TPSD1: variants seen among roughly 807,000 people sequenced by gnomAD.
TPSD1 encodes tryptase delta 1, also known as tryptase delta.
In TPSD1, 30 loss-of-function variants were observed where a neutral mutation model predicts 25.4. That is an observed-to-expected ratio of 1.18 (90% CI 0.88 to 1.60). The LOEUF (loss-of-function observed/expected upper bound fraction) is 1.60, where lower values mean the gene tolerates loss of function less well. Ranked by LOEUF, TPSD1 falls within the 40% of genes most tolerant of loss-of-function variation. The probability of loss-of-function intolerance (pLI) is 0.00; values close to 1 mark genes in which losing one functional copy is unlikely to be tolerated. For missense variants in TPSD1, 420 were observed against 324.2 expected (o/e 1.30, Z -2.27); for synonymous variants, 176 against 149.4 (o/e 1.18, Z -1.30).
chr16:1,257,890 C>T lies in TPSD1; in HGVS notation c.521-169C>T, dbSNP rs2031008922. On this transcript the variant is annotated intron_variant, in intron 3 of 4. Coordinates refer to ENST00000211076, the MANE Select transcript of TPSD1 (RefSeq NM_012217.3). ...ATGAGGCCAGGGACCCAGGACCAGC[C>T]TCAGCGGAGGGGCCTGGACTGCATT... 7 of 726,180 alleles carry T rather than the reference C, an allele frequency of 9.6e-6. No individual in the cohort carries two copies. The Admixed American group carries it at 2.0e-4, about 21-fold the overall frequency. 45.0% of individuals were successfully genotyped at this position (726,180 alleles called of 1,614,324 possible).
In TPSD1 at chr16:1,258,424, C is replaced by G; in HGVS notation, c.*48C>G. ...GGGAGGAGAGCTGTGCCCAGCCCAA[C>G]CGGCCTGGCATCTACACCCGTGTCA... is the stretch of plus-strand genomic sequence containing the variant. On this transcript the variant is annotated 3_prime_UTR_variant, in exon 5 of 5. Coordinates refer to ENST00000211076, the MANE Select transcript of TPSD1 (RefSeq NM_012217.3). 6.2e-7 allele frequency: 1 copy of G among 1,613,544 alleles called. No individual in the cohort carries two copies. Among genetic ancestry groups the G allele is most frequent in the South Asian group, 1.1e-5 (1 of 91,064 alleles).
chr16:1,258,007 A>T, intron 3 of TPSD1, 52 bp from the exon 4 acceptor site: 1 of 1,537,652 alleles, frequency 6.5e-7, no homozygotes, highest in African/African-American at 1.4e-5. Flanking sequence ...AAGTCCACGA[A>T]GCAGCACCCA....
In TPSD1 at chr16:1,256,348, C is replaced by A. The variant is rs917074368; in HGVS notation, c.68C>A (p.Ala23Asp). ...LLALPVLASP[A>D]YVAPAPGQAL... ...GCGCTGCCCGTCCTGGCGAGCCCGG[C>A]CTACGTGGCCCCTGGTGAGTCCCAG... Residue 23 changes from alanine to aspartate, a missense_variant, in exon 1 of 5, where the codon GCC becomes GAC. Coordinates refer to ENST00000211076, the MANE Select transcript of TPSD1 (RefSeq NM_012217.3). 1 of 1,613,066 alleles carries A rather than the reference C, an allele frequency of 6.2e-7. No individual in the cohort carries two copies. Among genetic ancestry groups the A allele is most frequent in the African/African-American group, 1.3e-5 (1 of 74,934 alleles).
intron 3 of TPSD1, among the ~76,000 whole-genome samples, chr16:1,257,605 G>A (rs1342749286): frequency 6.6e-6 from 1 of 152,200 alleles, no homozygotes; most frequent in Non-Finnish European, 1.5e-5. Flanking sequence ...AGCCTGAGCG[G>A]CAACCCTGGG....
intron 3 of TPSD1, 54 bp downstream of exon 3, chr16:1,257,116 A>C (rs2030992867): frequency 1.3e-5 from 20 of 1,533,264 alleles, no homozygotes; most frequent in Non-Finnish European, 1.7e-5. Flanking sequence ...AGTCACAGCC[A>C]CAGGCCAGTC....
In TPSD1 at chr16:1,256,552, G is replaced by A. The variant is rs201163591; in HGVS notation, c.119G>A (p.Gly40Glu). Reference sequence around the variant, plus strand: ...GCCCTGCAGCAAACGGGCATTGTTGGGGGGCAGGAGGCCCCCAGGAGCAAG... The same window carrying A: ...GCCCTGCAGCAAACGGGCATTGTTGAGGGGCAGGAGGCCCCCAGGAGCAAG... ...GQALQQTGIV[G>E]GQEAPRSKWP... Residue 40 changes from glycine to glutamate, a missense_variant, in exon 2 of 5, where the codon GGG (glycine) becomes GAG (glutamate). Physicochemically the swap from Gly to Glu is moderately conservative, Grantham distance 98. Transcript: ENST00000211076. 17 of 1,599,182 alleles carry A rather than the reference G, an allele frequency of 1.1e-5. No individual in the cohort carries two copies. Among genetic ancestry groups the A allele is most frequent in the African/African-American group, 1.5e-5 (1 of 68,656 alleles).
chr16:1,256,314 C>T lies in TPSD1; in HGVS notation c.34C>T (p.Leu12=), dbSNP rs1272903616. ...LLLAPQMLSL[L]LLALPVLASP... ...CCTTGCTCCCCAGATGCTGAGCCTG[C>T]TGCTGCTGGCGCTGCCCGTCCTGGC... The change falls in exon 1 of 5, where the codon CTG becomes TTG. Residue 12 remains leucine (L), a synonymous_variant. Coordinates refer to ENST00000211076, the MANE Select transcript of TPSD1 (RefSeq NM_012217.3). The T allele has an allele frequency of 3.1e-6, 5 of 1,613,638 alleles. No homozygotes were observed. In the South Asian group the frequency reaches 3.3e-5, roughly 11 times the overall value.
In TPSD1 at chr16:1,256,277, C is replaced by T. The variant is rs1161448482; in HGVS notation, c.-4C>T. The T allele has an allele frequency of 8.1e-6, 13 of 1,613,388 alleles. No homozygotes were observed. Among genetic ancestry groups the T allele is most frequent in the African/African-American group, 1.3e-5 (1 of 74,924 alleles). ...CTGCCCTGTGAGGCCCGGCCAGGCC[C>T]ACGATGCTCCTCCTTGCTCCCCAGA... On this transcript the variant is annotated 5_prime_UTR_variant, in exon 1 of 5. Transcript: ENST00000211076.
rs369883943 is a variant in TPSD1 at position 1,256,688 on chromosome 16, G to T, written c.254+1G>T. 6.2e-7 allele frequency: 1 copy of T among 1,611,254 alleles called. No homozygotes were observed. Among genetic ancestry groups the T allele is most frequent in the Non-Finnish European group, 8.5e-7 (1 of 1,178,780 alleles). The stretch of plus-strand genomic sequence containing the variant: ...TAACCGCGGCGCACTGCGTGGAACC[G>T]TGAGTCTCCTGGGGCCTGGAGGGGT... On this transcript the variant is annotated splice_donor_variant, in intron 2 of 4. Transcript: ENST00000211076. LOFTEE classifies it high-confidence loss of function.
At position 1,256,930 on chromosome 16, in the gene TPSD1, G is replaced by T. The variant is rs1278783845; in HGVS notation, c.388G>T (p.Ala130Ser). The T allele has an allele frequency of 6.2e-7, 1 of 1,613,794 alleles. No individual in the cohort carries two copies. The highest frequency in any genetic ancestry group is 8.5e-7 in the Non-Finnish European group (1 of 1,180,028). The change falls in exon 3 of 5, where the codon GCC becomes TCC. Residue 130 changes from alanine to serine, a missense_variant. Coordinates refer to ENST00000211076, the MANE Select transcript of TPSD1 (RefSeq NM_012217.3). Reference protein sequence around the residue: ...FYIIQTGADIALLELEEPVNI... With the variant: ...FYIIQTGADISLLELEEPVNI... ...CATCATCCAGACCGGGGCGGACATC[G>T]CCCTGCTGGAGCTGGAGGAGCCCGT...
chr16:1,258,458 T>G lies in TPSD1; in HGVS notation c.*82T>G, dbSNP rs566036064. 6.2e-7 allele frequency: 1 copy of G among 1,613,632 alleles called. No individual in the cohort carries two copies. Among genetic ancestry groups the G allele is most frequent in the South Asian group, 1.1e-5 (1 of 91,084 alleles). On this transcript the variant is annotated 3_prime_UTR_variant, in exon 5 of 5. Transcript: ENST00000211076. ...CATCTACACCCGTGTCACCTACTACTTGGACTGGATCCACCACTATGTCCC... is the reference window on the plus strand; with the variant it reads ...CATCTACACCCGTGTCACCTACTACGTGGACTGGATCCACCACTATGTCCC...
At chr16:1,257,108 T>A in intron 3 of TPSD1, 46 bp downstream of exon 3, 1 of 1,545,268 alleles carries the variant, frequency 6.5e-7, no homozygotes, top group Non-Finnish European at 8.7e-7. Flanking sequence ...GGGCACCAAG[T>A]CACAGCCACA....
Position 1,258,065 on chromosome 16 carries a change from T to A in TPSD1, c.527T>A (p.Leu176Gln), listed in dbSNP as rs760282531. 1.3e-6 allele frequency: 2 copies of A among 1,576,960 alleles called. No individual in the cohort carries two copies. The highest frequency in any genetic ancestry group is 2.7e-5 in the African/African-American group (2 of 74,074). ...CGCCCCCCTCCGCCCCCAGTGCACC[T>A]GCCGCCGCCATACCCGCTGAAGGAG... is the stretch of plus-strand genomic sequence containing the variant. ...GWGDVDNNVH[L>Q]PPPYPLKEVE... The change falls in exon 4 of 5, where the codon CTG becomes CAG. Residue 176 changes from leucine to glutamine, a missense_variant. Transcript: ENST00000211076.
At position 1,258,596 on chromosome 16, in the gene TPSD1, C is replaced by T. The variant is rs1177903826; in HGVS notation, c.*220C>T. The T allele has an allele frequency of 2.2e-6, 3 of 1,391,456 alleles. No individual in the cohort carries two copies. Among genetic ancestry groups the T allele is most frequent in the Non-Finnish European group, 2.9e-6 (3 of 1,018,432 alleles). 86.2% of individuals were successfully genotyped at this position (1,391,456 alleles called of 1,614,324 possible). On this transcript the variant is annotated 3_prime_UTR_variant, in exon 5 of 5. Coordinates refer to ENST00000211076, the MANE Select transcript of TPSD1 (RefSeq NM_012217.3). ...AGGTGGTGACTGCCCCCCACACCTT[C>T]CCCCATCCTGAGTCCCCTCTCCCAT... is the stretch of plus-strand genomic sequence containing the variant.
intron 1 of TPSD1, 46 bp downstream of exon 1, chr16:1,256,408 G>A (rs905568371): frequency 2.5e-6 from 4 of 1,611,588 alleles, no homozygotes; most frequent in Non-Finnish European, 3.4e-6. Context: ...ACATTCCACA[G>A]ATCAGGGCCT....
At chr16:1,257,955 T>A in intron 3 of TPSD1, 104 bp from the exon 4 acceptor site, 1 of 1,270,996 alleles carries the variant, frequency 7.9e-7, no homozygotes, top group South Asian at 1.4e-5. Context: ...AGAACAGCAC[T>A]GGGCCCATGG....
rs2031024957 is a variant in TPSD1, at chr16:1,258,364, G to T, written c.717G>T (p.Val239=). The T allele has an allele frequency of 6.2e-7, 1 of 1,608,164 alleles. No homozygotes were observed. The highest frequency in any genetic ancestry group is 1.1e-5 in the South Asian group (1 of 91,080). The part of the protein sequence containing the change: ...GDSGGPLVCK[V]NGT ...CTGGAGGGCCCCTGGTCTGCAAGGT[G>T]AATGGCACCTAACTGCAGGCGGGCG... The change falls in exon 5 of 5, where the codon GTG becomes GTT. Residue 239 remains valine, a synonymous_variant. Transcript: ENST00000211076.
intron 3 of TPSD1, chr16:1,257,280 G>A: frequency 3.1e-6 from 2 of 640,180 alleles, no homozygotes; most frequent in South Asian, 4.1e-5. Flanking sequence ...GGTTTGGAGA[G>A]TCCCTTAGCA....
chr16:1,256,412 A>G, intron 1 of TPSD1, 50 bp downstream of exon 1: 1 of 1,611,014 alleles, frequency 6.2e-7, no homozygotes, highest in Non-Finnish European at 8.5e-7. Flanking sequence ...TCCACAGATC[A>G]GGGCCTGGGT....
Sources: gnomAD v4.1 joint callset for allele counts (sites outside exome capture counted in the v4.1 genomes callset) on GRCh38, gnomAD v4.1.1 for gene constraint, MANE v1.5 for transcripts, NCBI Gene and HGNC (gene_info 2026-07-23, HGNC 2026-07-21) for gene names.